The following LRCH1 variants were observed in gnomAD, a reference collection of about 807,000 sequenced individuals.
The protein encoded by LRCH1 is leucine-rich repeat and calponin homology domain-containing protein 1.
Under a neutral mutation model 94.9 loss-of-function variants are expected in LRCH1, and 23 were observed. The ratio of observed to expected loss-of-function variants is 0.24; its 90% CI spans 0.17 to 0.34. The LOEUF is 0.34. LRCH1 is among the 10% of genes least tolerant of loss of function. LRCH1 has a pLI of 1.00. For synonymous variants in LRCH1, 364 were observed against 354.9 expected (o/e 1.03, Z -0.29); for missense variants, 790 against 945.9 (o/e 0.84, Z 2.16).
At chr13:46,580,557 C>G (rs766927277) in intron 1 of LRCH1, among the ~76,000 whole-genome samples, 11 of 152,186 alleles carry the variant, frequency 7.2e-5, no homozygotes, top group Non-Finnish European at 1.3e-4. Flanking sequence ...ACTTTTTGAC[C>G]TGGAACAAAT....
At chr13:46,675,886 G>T (rs1281390783) in intron 3 of LRCH1, among the ~76,000 whole-genome samples, 2 of 152,154 alleles carry the variant, frequency 1.3e-5, no homozygotes, top group African/African-American at 2.4e-5. Flanking sequence ...ACAGAGTTTT[G>T]CTCTGGAAAA....
At chr13:46,719,777 C>T (rs149033818) in intron 16 of LRCH1, among the ~76,000 whole-genome samples, 2 of 152,184 alleles carry the variant, frequency 1.3e-5, no homozygotes, top group East Asian at 3.9e-4. Flanking sequence ...GCAGGTGGAT[C>T]GCTTGAGGTC....
At chr13:46,623,070 T>TTAAAAGTG (rs1396708637) in intron 1 of LRCH1, among the ~76,000 whole-genome samples, 1 of 152,172 alleles carries the variant, frequency 6.6e-6, no homozygotes, top group Non-Finnish European at 1.5e-5. Context: ...TGCCAGTCTG[T>TTAAAAGTG]CATTTGCATG....
At chr13:46,585,938 G>A (rs1270091540) in intron 1 of LRCH1, among the ~76,000 whole-genome samples, 1 of 152,146 alleles carries the variant, frequency 6.6e-6, no homozygotes, top group Non-Finnish European at 1.5e-5. Context: ...TTTTGCAGGT[G>A]TCTATTTTTA....
At chr13:46,617,234 TC>T (rs2050820916) in intron 1 of LRCH1, among the ~76,000 whole-genome samples, 1 of 152,072 alleles carries the variant, frequency 6.6e-6, no homozygotes, top group Non-Finnish European at 1.5e-5. Flanking sequence ...AGCCCTGGAG[TC>T]AGCCCTTCAT....
chr13:46,634,855 G>A (rs2051064083), intron 1 of LRCH1, among the ~76,000 whole-genome samples: 1 of 147,064 alleles, frequency 6.8e-6, no homozygotes, highest in South Asian at 2.3e-4. Context: ...CCTGGGGCGG[G>A]AAGGGTTGGG....
In LRCH1 at chr13:46,743,089, C is replaced by T; in HGVS notation, c.*1241C>T. The T allele has an allele frequency of 1.0e-6, 1 of 985,386 alleles. No individual in the cohort carries two copies. The allele number at this position is 985,386 out of a possible 1,614,324, so 61.0% of individuals were successfully genotyped here. On this transcript the variant is annotated 3_prime_UTR_variant, in exon 20 of 20. Transcript: ENST00000389797. ...CCTTGTTCCAAGGTCAAGGCAGCCTCCTTATTTTACATGCTGTTTGCCAAA... is the reference window on the plus strand; with the variant it reads ...CCTTGTTCCAAGGTCAAGGCAGCCTTCTTATTTTACATGCTGTTTGCCAAA...
intron 1 of LRCH1, among the ~76,000 whole-genome samples, chr13:46,617,082 C>T (rs1246435019): frequency 1.3e-5 from 2 of 152,214 alleles, no homozygotes; most frequent in South Asian, 2.1e-4. Context: ...TGGATGTATA[C>T]GTGCAAGTCA....
chr13:46,573,868 T>TATATATA (rs1374087114), intron 1 of LRCH1, among the ~76,000 whole-genome samples: 5 of 40,470 alleles, frequency 1.2e-4, no homozygotes, highest in African/African-American at 4.4e-4. Context: ...ATATATATAT[T>TATATATA]TTTTTTTTTT....
intron 16 of LRCH1, among the ~76,000 whole-genome samples, chr13:46,720,185 C>G (rs962774448): frequency 1.3e-4 from 20 of 151,852 alleles, no homozygotes; most frequent in African/African-American, 4.8e-4. Context: ...CCAGAAGTTC[C>G]AGACCAGCCT....
At chr13:46,589,371 G>T (rs149662202) in intron 1 of LRCH1, among the ~76,000 whole-genome samples, 2 of 151,874 alleles carry the variant, frequency 1.3e-5, no homozygotes, top group Non-Finnish European at 2.9e-5. Context: ...GGGCATTCTC[G>T]TACATAAAGA....
At chr13:46,677,378 C>T (rs1282151711) in intron 3 of LRCH1, among the ~76,000 whole-genome samples, 1 of 151,964 alleles carries the variant, frequency 6.6e-6, no homozygotes, top group Non-Finnish European at 1.5e-5. Flanking sequence ...TGCAGTGAGC[C>T]AAGATCGCGC....
At chr13:46,668,468 T>G (rs542749603) in intron 2 of LRCH1, among the ~76,000 whole-genome samples, 22 of 152,332 alleles carry the variant, frequency 1.4e-4, no homozygotes, top group African/African-American at 5.1e-4. Flanking sequence ...ACCCTTGTTT[T>G]AACAAAAGGA....
chr13:46,699,474 T>C, intron 10 of LRCH1, 71 bp downstream of exon 10: 1 of 1,375,004 alleles, frequency 7.3e-7, no homozygotes, highest in Non-Finnish European at 1.0e-6. Flanking sequence ...GGCAGTTCTG[T>C]TGTGATAGAA....
chr13:46,559,965 T>TA (rs1356595506), intron 1 of LRCH1, among the ~76,000 whole-genome samples: 1 of 152,110 alleles, frequency 6.6e-6, no homozygotes, highest in African/African-American at 2.4e-5. Flanking sequence ...ATTTAAAGGG[T>TA]AGATACCTTT....
chr13:46,672,809 G>A (rs756467329), intron 3 of LRCH1, among the ~76,000 whole-genome samples: 1 of 152,270 alleles, frequency 6.6e-6, no homozygotes, highest in Middle Eastern at 3.4e-3. Context: ...TAGAGTGATA[G>A]GGGATTGTAA....
rs869219345 is a variant in LRCH1, at chr13:46,627,471, AAT to A, written c.308-22729_308-22728del. 9.0e-5 allele frequency among the ~76,000 whole-genome samples: 4 copies of A among 44,294 alleles called. No individual in the cohort carries two copies. The East Asian group carries it at 4.5e-3, about 50-fold the overall frequency. The allele number at this position is 44,294 out of a possible 152,430, so 29.1% of individuals were successfully genotyped here. On this transcript the variant is annotated intron_variant, in intron 1 of 19. Transcript: ENST00000389797. ...TAAAAAAATGAGGCACAGATAAAAA[AAT>A]CGAGAAGTTGAATGAATTATGAAAA...
chr13:46,646,794 T>G (rs530733912), intron 1 of LRCH1, among the ~76,000 whole-genome samples: 3 of 152,176 alleles, frequency 2.0e-5, no homozygotes, highest in Non-Finnish European at 4.4e-5. Context: ...TCCTCTATTT[T>G]ATTTGCTTTC....
rs1385894121 is a variant in LRCH1, at chr13:46,655,414, T to A, written c.452+5069T>A. The stretch of plus-strand genomic sequence containing the variant: ...TTAATTTACTGCTGTTTATGTAGCC[T>A]GTGTTTGAAGGATTTGGGCTTTTAA... On this transcript the variant is annotated intron_variant, in intron 2 of 19. Transcript: ENST00000389797. Among the ~76,000 whole-genome samples, 20 of 152,378 alleles carry A rather than the reference T, an allele frequency of 1.3e-4. No homozygotes were observed. In the East Asian group the frequency reaches 3.8e-3, roughly 29 times the overall value.
Sources: gnomAD v4.1 joint callset for allele counts (sites outside exome capture counted in the v4.1 genomes callset) on GRCh38, gnomAD v4.1.1 for gene constraint, MANE v1.5 for transcripts, NCBI Gene and HGNC (gene_info 2026-07-23, HGNC 2026-07-21) for gene names.